Variants in MACROD2 observed in about 807,000 individuals in gnomAD.
The protein encoded by MACROD2 is mono-ADP ribosylhydrolase 2, also known as ADP-ribose glycohydrolase MACROD2.
In MACROD2, 36 loss-of-function variants were observed where a neutral mutation model predicts 70.4. The ratio of observed to expected loss-of-function variants is 0.51; its 90% CI spans 0.39 to 0.68. The LOEUF is 0.68. MACROD2 is among the 30% of genes least tolerant of loss of function. The probability of loss-of-function intolerance (pLI) is 0.00; values close to 1 mark genes in which losing one functional copy is unlikely to be tolerated. For synonymous variants in MACROD2, 172 were observed against 178.8 expected, an observed-to-expected ratio of 0.96 and a Z score of 0.30; for missense variants, 496 against 538.4, an observed-to-expected ratio of 0.92 and a Z score of 0.78.
chr20:15,279,959 C>G (rs940897130), intron 6 of MACROD2, among the ~76,000 whole-genome samples: 13 of 152,168 alleles, frequency 8.5e-5, no homozygotes, highest in African/African-American at 2.9e-4. Context: ...CACCTTTCAT[C>G]TTTTGATGGT....
intron 1 of MACROD2, among the ~76,000 whole-genome samples, 172 bp from the exon 2 acceptor site, chr20:14,002,116 T>C (rs1195443612): frequency 1.3e-5 from 2 of 152,180 alleles, no homozygotes; most frequent in African/African-American, 4.8e-5. Context: ...CCTGGTAATA[T>C]GAAATTTAAC....
At chr20:14,275,918 C>T (rs1182152328) in intron 3 of MACROD2, among the ~76,000 whole-genome samples, 1 of 152,176 alleles carries the variant, frequency 6.6e-6, no homozygotes, top group African/African-American at 2.4e-5. Context: ...CAAATCAAAA[C>T]CACAGTGAGA....
chr20:15,646,815 TG>T (rs1254756731), intron 8 of MACROD2, among the ~76,000 whole-genome samples: 1 of 152,218 alleles, frequency 6.6e-6, no homozygotes, highest in Non-Finnish European at 1.5e-5. Flanking sequence ...TTAAGTTTCA[TG>T]AGGCCTCCCC....
At chr20:14,709,407 A>G (rs1301535070) in intron 5 of MACROD2, among the ~76,000 whole-genome samples, 1 of 152,124 alleles carries the variant, frequency 6.6e-6, no homozygotes, top group Admixed American at 6.5e-5. Context: ...ACACACTCTC[A>G]CACACTCACA....
intron 4 of MACROD2, among the ~76,000 whole-genome samples, chr20:14,607,341 A>G (rs1982868905): frequency 1.3e-5 from 2 of 152,190 alleles, no homozygotes; most frequent in Non-Finnish European, 2.9e-5. Context: ...TAAAATCCAA[A>G]CAGTCTGATT....
intron 3 of MACROD2, among the ~76,000 whole-genome samples, chr20:14,213,380 A>AAAAAAAAAC (rs2081586771): frequency 6.7e-6 from 1 of 148,872 alleles, no homozygotes; most frequent in Non-Finnish European, 1.5e-5. Flanking sequence ...AAAAAAAAAA[A>AAAAAAAAAC]AAAAAAGGCC....
At chr20:14,957,162 A>G (rs2074544605) in intron 5 of MACROD2, among the ~76,000 whole-genome samples, 1 of 151,976 alleles carries the variant, frequency 6.6e-6, no homozygotes, top group Non-Finnish European at 1.5e-5. Context: ...AGCTTTTTTA[A>G]TGTAAAAAAG....
At chr20:14,024,315 T>G (rs2053127155) in intron 2 of MACROD2, among the ~76,000 whole-genome samples, 1 of 152,250 alleles carries the variant, frequency 6.6e-6, no homozygotes, top group African/African-American at 2.4e-5. Flanking sequence ...TTTCTAAATG[T>G]ACAATCATGT....
intron 3 of MACROD2, among the ~76,000 whole-genome samples, chr20:14,164,534 TG>T (rs1451841444): frequency 2.0e-5 from 3 of 152,060 alleles, no homozygotes; most frequent in Non-Finnish European, 2.9e-5. Flanking sequence ...GTATCAATGG[TG>T]GGACAATTGT....
chr20:15,102,995 CTTA>C (rs956768901), intron 5 of MACROD2, among the ~76,000 whole-genome samples: 2 of 151,952 alleles, frequency 1.3e-5, no homozygotes, highest in Non-Finnish European at 2.9e-5. Flanking sequence ...AGTGATATGT[CTTA>C]TTTAGACATA....
At chr20:14,205,622 A>G (rs971421129) in intron 3 of MACROD2, among the ~76,000 whole-genome samples, 1 of 152,166 alleles carries the variant, frequency 6.6e-6, no homozygotes, top group African/African-American at 2.4e-5. Context: ...TACTGCAGGC[A>G]TATTTAGGCA....
At chr20:15,129,070 A>T (rs1430918500) in intron 5 of MACROD2, among the ~76,000 whole-genome samples, 1 of 152,016 alleles carries the variant, frequency 6.6e-6, no homozygotes. Flanking sequence ...TAACATTTAA[A>T]ATAAGAGACA....
At position 15,672,810 on chromosome 20, in the gene MACROD2, A is replaced by G. The variant is rs573917143; in HGVS notation, c.645+172963A>G. 2.6e-5 allele frequency among the ~76,000 whole-genome samples: 4 copies of G among 152,246 alleles called. No individual in the cohort carries two copies. The South Asian group carries it at 6.2e-4, about 24-fold the overall frequency. On this transcript the variant is annotated intron_variant, in intron 8 of 17. Transcript: ENST00000684519. ...TTAGCTGTGTCCCCACCCAAATCTC[A>G]TCTTGAATTGTAGCTCCCACAATTC...
At chr20:14,577,148 T>C (rs1980651845) in intron 4 of MACROD2, among the ~76,000 whole-genome samples, 1 of 152,218 alleles carries the variant, frequency 6.6e-6, no homozygotes, top group Non-Finnish European at 1.5e-5. Context: ...TTTAAGGTGA[T>C]GGTTTTAAAT....
At chr20:15,472,805 C>T (rs1215519737) in intron 7 of MACROD2, among the ~76,000 whole-genome samples, 1 of 152,148 alleles carries the variant, frequency 6.6e-6, no homozygotes, top group East Asian at 1.9e-4. Context: ...ATGCCTTATG[C>T]TTTTCGGGCC....
At chr20:14,701,739 A>G (rs1393537416) in intron 5 of MACROD2, among the ~76,000 whole-genome samples, 3 of 152,174 alleles carry the variant, frequency 2.0e-5, no homozygotes, top group Admixed American at 2.0e-4. Context: ...CTAAAAGGAG[A>G]AATACCCTTG....
chr20:14,429,887 C>T (rs1422562502), intron 3 of MACROD2, among the ~76,000 whole-genome samples: 5 of 152,184 alleles, frequency 3.3e-5, no homozygotes, highest in Admixed American at 2.6e-4. Context: ...GGGTCCCTAA[C>T]AGGATTGTGC....
At chr20:14,210,424 C>T (rs1222525507) in intron 3 of MACROD2, among the ~76,000 whole-genome samples, 2 of 152,144 alleles carry the variant, frequency 1.3e-5, no homozygotes, top group Admixed American at 1.3e-4. Flanking sequence ...ACTTTGAATA[C>T]ACTTCCTGCT....
In MACROD2 at chr20:14,672,442, T is replaced by C. The variant is rs865963830; in HGVS notation, c.302-12401T>C. Among the ~76,000 whole-genome samples, 8 of 152,240 alleles carry C rather than the reference T, an allele frequency of 5.3e-5. No homozygotes were observed. The South Asian group carries it at 1.7e-3, about 32-fold the overall frequency. On this transcript the variant is annotated intron_variant, in intron 4 of 17. Coordinates refer to ENST00000684519, the MANE Select transcript of MACROD2 (RefSeq NM_001351661.2). ...TCATTCTATTGACCAAAGCAAGTCA[T>C]GAGATTAGCCTAGATTCAAGTGGTA...
Sources: allele counts gnomAD v4.1 joint callset (sites outside exome capture counted in the v4.1 genomes callset), GRCh38; gene constraint gnomAD v4.1.1; transcripts MANE v1.5; gene names NCBI Gene and HGNC (gene_info 2026-07-23, HGNC 2026-07-21).